EBF1: variants seen among roughly 807,000 people sequenced by gnomAD.
EBF1 encodes the protein EBF transcription factor 1.
Under a neutral mutation model 68.4 loss-of-function variants are expected in EBF1, and 10 were observed. The observed-to-expected ratio is 0.15, with a 90% CI of 0.09 to 0.25. EBF1 has a LOEUF of 0.25. EBF1 is among the 10% of genes least tolerant of loss of function. The pLI is 1.00. For missense variants in EBF1, 509 were observed against 794.4 expected, an observed-to-expected ratio of 0.64 and a Z score of 4.32; for synonymous variants, 298 against 299.8, an observed-to-expected ratio of 0.99 and a Z score of 0.06.
intron 6 of EBF1, among the ~76,000 whole-genome samples, chr5:158,942,491 G>T (rs1813646693): frequency 6.6e-6 from 1 of 152,202 alleles, no homozygotes; most frequent in African/African-American, 2.4e-5. Context: ...TTGACACGTG[G>T]TAAGCCCTCA....
intron 10 of EBF1, among the ~76,000 whole-genome samples, chr5:158,751,908 A>T (rs1768984371): frequency 6.6e-6 from 1 of 151,956 alleles, no homozygotes; most frequent in African/African-American, 2.4e-5. Flanking sequence ...TTAAGTCGAG[A>T]CTCAGGATTG....
At chr5:158,926,294 G>T (rs946557702) in intron 6 of EBF1, among the ~76,000 whole-genome samples, 4 of 152,126 alleles carry the variant, frequency 2.6e-5, no homozygotes, top group Admixed American at 1.3e-4. Context: ...CTTAATAAAT[G>T]CATCCCCTGT....
chr5:158,770,354 G>A (rs1199701582), intron 10 of EBF1, among the ~76,000 whole-genome samples: 1 of 151,948 alleles, frequency 6.6e-6, no homozygotes, highest in Non-Finnish European at 1.5e-5. Flanking sequence ...CCAGACTACT[G>A]CAATGACCTC....
rs549267198 is a variant in EBF1 at position 158,929,856 on chromosome 5, G to T, written c.555-89746C>A. ...GTTGCAGGAAAAAGGTACATAATTC[G>T]GTTTCATTAGCAACCTCTGCGATTT... On this transcript the variant is annotated intron_variant, in intron 6 of 15. Transcript: ENST00000313708. Among the ~76,000 whole-genome samples the T allele has an allele frequency of 7.2e-5, 11 of 152,202 alleles. No individual in the cohort carries two copies. In the East Asian group the frequency reaches 2.1e-3, roughly 29 times the overall value.
chr5:159,079,887 T>A (rs949837204), intron 5 of EBF1, among the ~76,000 whole-genome samples: 2 of 152,126 alleles, frequency 1.3e-5, no homozygotes, highest in African/African-American at 4.8e-5. Context: ...AATGCTGGGA[T>A]TACAGACATG....
intron 6 of EBF1, among the ~76,000 whole-genome samples, chr5:158,955,578 A>G (rs1400306652): frequency 6.6e-6 from 1 of 152,206 alleles, no homozygotes; most frequent in Non-Finnish European, 1.5e-5. Flanking sequence ...AATGAATTCC[A>G]TCCCATTCTT....
chr5:158,903,155 G>A (rs981594608), intron 6 of EBF1, among the ~76,000 whole-genome samples: 1 of 152,162 alleles, frequency 6.6e-6, no homozygotes, highest in African/African-American at 2.4e-5. Context: ...GCTCTTCAGC[G>A]AAGAAGCCTG....
intron 6 of EBF1, among the ~76,000 whole-genome samples, chr5:159,044,067 A>T (rs1771806930): frequency 6.6e-6 from 1 of 152,238 alleles, no homozygotes; most frequent in Non-Finnish European, 1.5e-5. Context: ...GGGACCTTAT[A>T]CAACACCTAA....
chr5:159,044,037 C>A (rs966694983), intron 6 of EBF1, among the ~76,000 whole-genome samples: 13 of 152,286 alleles, frequency 8.5e-5, no homozygotes, highest in Admixed American at 3.9e-4. Flanking sequence ...GAGATGGGAA[C>A]ACTTTATACA....
At chr5:158,725,865 G>C (rs531756456) in intron 11 of EBF1, among the ~76,000 whole-genome samples, 4 of 152,178 alleles carry the variant, frequency 2.6e-5, no homozygotes, top group African/African-American at 9.6e-5. Flanking sequence ...TTAATATGTC[G>C]GCTGTGTGAA....
intron 8 of EBF1, among the ~76,000 whole-genome samples, chr5:158,804,360 A>G (rs943286461): frequency 1.3e-5 from 2 of 152,076 alleles, no homozygotes; most frequent in African/African-American, 4.8e-5. Context: ...CCTATTTTGC[A>G]GCTTTCTTAT....
At chr5:158,727,251 G>C (rs1010080961) in intron 11 of EBF1, among the ~76,000 whole-genome samples, 2 of 152,314 alleles carry the variant, frequency 1.3e-5, no homozygotes, top group African/African-American at 4.8e-5. Flanking sequence ...CCTGACGCCA[G>C]CTAAGCTCAG....
At chr5:158,902,989 A>ATTTAAGG (rs2127305645) in intron 6 of EBF1, among the ~76,000 whole-genome samples, 1 of 152,338 alleles carries the variant, frequency 6.6e-6, no homozygotes, top group South Asian at 2.1e-4. Context: ...TCTAGCAGGC[A>ATTTAAGG]CAAAAGATTT....
At chr5:158,872,284 C>T (rs1468296800) in intron 6 of EBF1, among the ~76,000 whole-genome samples, 1 of 152,146 alleles carries the variant, frequency 6.6e-6, no homozygotes, top group East Asian at 1.9e-4. Context: ...GCAACCTCTG[C>T]CTCCTGGGTT....
intron 6 of EBF1, among the ~76,000 whole-genome samples, chr5:158,970,148 T>C (rs1217351764): frequency 6.6e-6 from 1 of 152,216 alleles, no homozygotes; most frequent in African/African-American, 2.4e-5. Flanking sequence ...ATATTTTATC[T>C]GCCTATTCCA....
At chr5:158,975,842 T>G (rs1015909657) in intron 6 of EBF1, among the ~76,000 whole-genome samples, 6 of 152,222 alleles carry the variant, frequency 3.9e-5, no homozygotes, top group Non-Finnish European at 4.4e-5. Context: ...ACTTTACCTG[T>G]TGGGACCGAA....
chr5:158,761,310 T>C (rs951111207), intron 10 of EBF1, among the ~76,000 whole-genome samples: 1 of 152,232 alleles, frequency 6.6e-6, no homozygotes, highest in Non-Finnish European at 1.5e-5. Context: ...TCATATCCTG[T>C]TCTGCTGTCG....
chr5:159,077,408 T>C (rs1473208215), intron 5 of EBF1, among the ~76,000 whole-genome samples: 1 of 152,138 alleles, frequency 6.6e-6, no homozygotes, highest in Non-Finnish European at 1.5e-5. Flanking sequence ...CATTCCAGCC[T>C]GGGTGACAAG....
At position 158,812,065 on chromosome 5, in the gene EBF1, G is replaced by A. The variant is rs137961475; in HGVS notation, c.778+11111C>T. On this transcript the variant is annotated intron_variant, in intron 8 of 15. Coordinates refer to ENST00000313708, the MANE Select transcript of EBF1 (RefSeq NM_024007.5). ...CGTGTGCCATTATTTGTCTAATATC[G>A]GCACATAAATACTTACACTCATGTG... Among the ~76,000 whole-genome samples, 744 of 152,082 alleles carry A rather than the reference G, an allele frequency of 4.9e-3. 8 individuals carry two copies. Among genetic ancestry groups the A allele is most frequent in the African/African-American group, 0.017 (714 of 41,480 alleles).
Sources: allele counts gnomAD v4.1 joint callset (sites outside exome capture counted in the v4.1 genomes callset), GRCh38; gene constraint gnomAD v4.1.1; transcripts MANE v1.5; gene names NCBI Gene and HGNC (gene_info 2026-07-23, HGNC 2026-07-21).